C1orf167: variants seen among roughly 807,000 people sequenced by gnomAD.
C1orf167 encodes the protein chromosome 1 open reading frame 167.
In C1orf167, 153 loss-of-function variants were observed where a neutral mutation model predicts 176.5. The observed-to-expected ratio is 0.87, with a 90% CI of 0.76 to 0.99. The LOEUF (loss-of-function observed/expected upper bound fraction) is 0.99, where lower values mean the gene tolerates loss of function less well. C1orf167 is among the 50% of genes least tolerant of loss of function. The probability of loss-of-function intolerance (pLI) is 0.00; values close to 1 mark genes in which losing one functional copy is unlikely to be tolerated. For synonymous variants in C1orf167, 594 were observed against 752.7 expected, an observed-to-expected ratio of 0.79 and a Z score of 3.45; for missense variants, 1,490 against 1,817.7, an observed-to-expected ratio of 0.82 and a Z score of 3.28.
At position 11,764,384 on chromosome 1, in the gene C1orf167, C is replaced by T; in HGVS notation, c.-17C>T. 1 of 1,289,120 alleles carries T rather than the reference C, an allele frequency of 7.8e-7. No individual in the cohort carries two copies. Among genetic ancestry groups the T allele is most frequent in the African/African-American group, 1.5e-5 (1 of 65,980 alleles). 79.9% of individuals were successfully genotyped at this position (1,289,120 alleles called of 1,614,324 possible). A position where few individuals can be genotyped will look rare whatever the true frequency, so the allele number is the denominator to read the frequency against. Reference sequence around the variant, plus strand: ...CTCACTGTGGAGTGGACCAAGGATACTCCTGTCCCTGAGCCCATGGAGCTA... The same window carrying T: ...CTCACTGTGGAGTGGACCAAGGATATTCCTGTCCCTGAGCCCATGGAGCTA... On this transcript the variant is annotated 5_prime_UTR_variant, in exon 2 of 21. Transcript: ENST00000688073.
intron 1 of C1orf167, among the ~76,000 whole-genome samples, chr1:11,763,549 A>C (rs749002592): frequency 6.6e-6 from 1 of 152,134 alleles, no homozygotes; most frequent in Non-Finnish European, 1.5e-5. Context: ...GCTTTGTTTC[A>C]ATATAACTTT....
intron 16 of C1orf167, chr1:11,786,723 C>A (rs1000393582): frequency 6.6e-6 from 1 of 151,864 alleles, no homozygotes; most frequent in Non-Finnish European, 1.5e-5. Flanking sequence ...AGGCCCATTA[C>A]GCCATGAGCC....
chr1:11,787,674 T>G, intron 17 of C1orf167, 181 bp downstream of exon 17: 1 of 922,082 alleles, frequency 1.1e-6, no homozygotes. Flanking sequence ...TTTGCATTCC[T>G]GCCCCGCCCC....
In C1orf167 at chr1:11,766,262, T is replaced by C; in HGVS notation, c.476T>C (p.Leu159Pro). 7.8e-7 allele frequency: 1 copy of C among 1,289,776 alleles called. No individual in the cohort carries two copies. Among genetic ancestry groups the C allele is most frequent in the Non-Finnish European group, 1.0e-6 (1 of 988,846 alleles). 79.9% of individuals were successfully genotyped at this position (1,289,776 alleles called of 1,614,324 possible). The change falls in exon 3 of 21, where the codon CTG (leucine) becomes CCG (proline). Residue 159 changes from leucine to proline, a missense_variant. By Grantham distance (98) the Leu-to-Pro change is moderately conservative. Coordinates refer to ENST00000688073, the MANE Select transcript of C1orf167 (RefSeq NM_001010881.2). This position sits in a 1 kb window ranked among gnomAD's most constrained non-coding sequence, Gnocchi z 4.5. ...PWGPLLSQEP[L>P]ARPSSCLRQS... ...GGTCCTCTCCTATCCCAAGAGCCAC[T>C]GGCTCGCCCATCTTCCTGCCTGAGG...
chr1:11,783,061 T>C (rs1643667941), intron 14 of C1orf167, among the ~76,000 whole-genome samples: 1 of 152,006 alleles, frequency 6.6e-6, no homozygotes, highest in African/African-American at 2.4e-5. Flanking sequence ...GTAAAGATGT[T>C]CTGGTGGAAC....
intron 12 of C1orf167, 36 bp downstream of exon 12, chr1:11,779,116 GACTT>G: frequency 8.2e-7 from 1 of 1,213,816 alleles, no homozygotes; most frequent in Non-Finnish European, 1.1e-6. Flanking sequence ...CCACTCTATG[GACTT>G]ACTGTTTCCC....
At chr1:11,779,506 G>A (rs555209428) in intron 12 of C1orf167, 12 of 239,608 alleles carry the variant, frequency 5.0e-5, no homozygotes, top group South Asian at 2.7e-4. Flanking sequence ...CCCCAATGCC[G>A]TGTGTGGCAC....
At chr1:11,779,129 C>T in intron 12 of C1orf167, 49 bp downstream of exon 12, 2 of 1,207,220 alleles carry the variant, frequency 1.7e-6, no homozygotes, top group Non-Finnish European at 2.1e-6. Context: ...TTACTGTTTC[C>T]CGGCCCCTTC....
At position 11,778,756 on chromosome 1, in the gene C1orf167, C is replaced by A. The variant is rs887902053; in HGVS notation, c.2436C>A (p.Thr812=). ...ALGPDATSSC[T]KTPSALEPLS... ...GCCCAGATGCCACATCAAGCTGCAC[C>A]AAGACCCCCTCGGCTCTGGAGCCAC... The change falls in exon 11 of 21, where the codon ACC becomes ACA. Residue 812 remains threonine, a synonymous_variant. Transcript: ENST00000688073. 39 of 1,303,658 alleles carry A rather than the reference C, an allele frequency of 3.0e-5. No individual in the cohort carries two copies. Among genetic ancestry groups the A allele is most frequent in the Non-Finnish European group, 3.8e-5 (38 of 988,788 alleles). 80.8% of individuals were successfully genotyped at this position (1,303,658 alleles called of 1,614,324 possible). A position where few individuals can be genotyped will look rare whatever the true frequency, so the allele number is the denominator to read the frequency against.
In C1orf167 at chr1:11,785,169, G is replaced by C. The variant is rs1158573199; in HGVS notation, c.3447G>C (p.Gln1149His). The change falls in exon 16 of 21, where the codon CAG becomes CAC. Residue 1149 changes from glutamine to histidine, a missense_variant. By Grantham distance (24) the Gln-to-His change is conservative. Coordinates refer to ENST00000688073, the MANE Select transcript of C1orf167 (RefSeq NM_001010881.2). ...PRAWVLEASV[Q>H]SAVRGGVQRA... ...GCAGGGTCCTAGAGGCCTCGGTGCA[G>C]TCGGCGGTGCGCGGCGGTGTCCAGC... is the stretch of plus-strand genomic sequence containing the variant. The C allele has an allele frequency of 7.7e-7, 1 of 1,291,396 alleles. No homozygotes were observed. The highest frequency in any genetic ancestry group is 1.0e-6 in the Non-Finnish European group (1 of 988,750). The allele number at this position is 1,291,396 out of a possible 1,614,324, so 80.0% of individuals were successfully genotyped here.
intron 10 of C1orf167, 78 bp from the exon 11 acceptor site, chr1:11,778,582 G>A (rs1221176238): frequency 2.5e-6 from 3 of 1,183,590 alleles, no homozygotes; most frequent in Admixed American, 2.9e-5. Context: ...AGCGGCCAGG[G>A]TAGGGTAGCC....
intron 20 of C1orf167, 185 bp from the exon 21 acceptor site, chr1:11,789,085 C>A: frequency 2.0e-6 from 1 of 508,662 alleles, no homozygotes; most frequent in Non-Finnish European, 3.3e-6. Flanking sequence ...TACAGCTTCC[C>A]AGCTCACCAT....
chr1:11,779,735 T>C (rs12566905), intron 12 of C1orf167, 67 bp from the exon 13 acceptor site: 124,863 of 1,141,332 alleles, frequency 0.11, 7,342 homozygotes, highest in South Asian at 0.17. Context: ...GAAAGGAGGG[T>C]GGGGCAGGGC....
Position 11,768,195 on chromosome 1 carries a change from G to A in C1orf167, c.1462G>A (p.Ala488Thr). The A allele has an allele frequency of 7.8e-7, 1 of 1,289,776 alleles. No homozygotes were observed. Among genetic ancestry groups the A allele is most frequent in the Non-Finnish European group, 1.0e-6 (1 of 988,762 alleles). 79.9% of individuals were successfully genotyped at this position (1,289,776 alleles called of 1,614,324 possible). A position where few individuals can be genotyped will look rare whatever the true frequency, so the allele number is the denominator to read the frequency against. ...GCAGCTGTTGCGAAAGTGCCTTCAG[G>A]CCTTGTGGCTCCGGGAGGCTCAGCT... is the stretch of plus-strand genomic sequence containing the variant. ...RWQLLRKCLQ[A>T]LWLREAQLEA... Residue 488 changes from alanine to threonine, a missense_variant, in exon 5 of 21, where the codon GCC (alanine) becomes ACC (threonine). Coordinates refer to ENST00000688073, the MANE Select transcript of C1orf167 (RefSeq NM_001010881.2). The surrounding 1 kb of genome is among the most constrained non-coding windows in gnomAD (Gnocchi z 4.5).
chr1:11,767,374 C>A, intron 4 of C1orf167, 110 bp downstream of exon 4: 2 of 1,005,354 alleles, frequency 2.0e-6, no homozygotes, highest in Non-Finnish European at 1.4e-6. Flanking sequence ...GGAGAGGAGG[C>A]AGGGTTTCAA....
Position 11,768,357 on chromosome 1 carries a change from A to T in C1orf167, c.1542+82A>T. On this transcript the variant is annotated intron_variant, in intron 5 of 20. Transcript: ENST00000688073. The surrounding 1 kb of genome is among the most constrained non-coding windows in gnomAD (Gnocchi z 4.5). ...AGGAGACTCAGTCTACGGAGAGGAC[A>T]CCCACTGGGCATAGGTGGCACCTCA... 8.4e-7 allele frequency: 1 copy of T among 1,184,278 alleles called. No individual in the cohort carries two copies. Among genetic ancestry groups the T allele is most frequent in the Non-Finnish European group, 1.1e-6 (1 of 905,276 alleles). 73.4% of individuals were successfully genotyped at this position (1,184,278 alleles called of 1,614,324 possible). A position where few individuals can be genotyped will look rare whatever the true frequency, so the allele number is the denominator to read the frequency against.
chr1:11,774,902 G>T (rs1306405675), intron 8 of C1orf167, among the ~76,000 whole-genome samples: 1 of 152,176 alleles, frequency 6.6e-6, no homozygotes, highest in Non-Finnish European at 1.5e-5. Flanking sequence ...AGGCTGCTGA[G>T]GCCACCACGC....
At chr1:11,782,752 C>G (rs972734038) in intron 14 of C1orf167, among the ~76,000 whole-genome samples, 1 of 152,080 alleles carries the variant, frequency 6.6e-6, no homozygotes, top group African/African-American at 2.4e-5. Context: ...GAAACCCCAT[C>G]TCTACTAAAA....
At chr1:11,764,269 G>A in intron 1 of C1orf167, 62 bp from the exon 2 acceptor site, 1 of 611,402 alleles carries the variant, frequency 1.6e-6, no homozygotes, top group Non-Finnish European at 2.7e-6. Context: ...AAAGGGAGGA[G>A]GTAGGGATCA....
Sources: gnomAD v4.1 joint callset for allele counts (sites outside exome capture counted in the v4.1 genomes callset) on GRCh38, gnomAD v4.1.1 for gene constraint, Gnocchi (gnomAD v3.1) non-coding constraint, MANE v1.5 for transcripts, NCBI Gene and HGNC (gene_info 2026-07-23, HGNC 2026-07-21) for gene names.